SMPX: variants seen among roughly 807,000 people sequenced by gnomAD.
The protein encoded by SMPX is small muscle protein X-linked.
A neutral mutation model predicts 6.3 loss-of-function variants in SMPX; 2 were observed. The observed-to-expected ratio is 0.32, with a 90% CI of 0.13 to 0.99. SMPX has a LOEUF of 0.99. SMPX is among the 50% of genes least tolerant of loss of function. The probability of loss-of-function intolerance (pLI) is 0.49; values close to 1 mark genes in which losing one functional copy is unlikely to be tolerated. For missense variants in SMPX, 60 were observed against 66.8 expected (o/e 0.90, Z 0.36); for synonymous variants, 32 against 24.7 (o/e 1.30, Z -0.88).
At chrX:21,717,217 C>T (rs753567521) in intron 4 of SMPX, among the ~76,000 whole-genome samples, 3 of 111,810 alleles carry the variant, frequency 2.7e-5, no homozygotes, top group Non-Finnish European at 5.6e-5. Context: ...AATGGTTATC[C>T]TCATGCTGTT....
rs1394298119 is a variant in SMPX at position 21,706,023 on chromosome X, T to A, written c.*386A>T. 2.0e-6 allele frequency: 1 copy of A among 493,677 alleles called. No individual in the cohort carries two copies. Among genetic ancestry groups the A allele is most frequent in the Non-Finnish European group, 3.6e-6 (1 of 276,745 alleles). 40.7% of individuals were successfully genotyped at this position (493,677 alleles called of 1,213,427 possible). ...TTATTTGAACTCATACAAAGTTTAG[T>A]GACATAATTTAAAAGGTGAAGAACT... On this transcript the variant is annotated 3_prime_UTR_variant, in exon 5 of 5. Coordinates refer to ENST00000379494, the MANE Select transcript of SMPX (RefSeq NM_014332.3).
intron 3 of SMPX, 114 bp from the exon 4 acceptor site, chrX:21,737,811 C>T (rs914262177): frequency 7.1e-6 from 5 of 703,496 alleles, no homozygotes; most frequent in African/African-American, 2.1e-5. Flanking sequence ...AAGTGTGATT[C>T]TAGCAGAGTG....
intron 4 of SMPX, among the ~76,000 whole-genome samples, chrX:21,710,487 A>G (rs1338080444): frequency 1.8e-5 from 2 of 111,735 alleles, no homozygotes; most frequent in Admixed American, 1.9e-4. Flanking sequence ...CTAAAATCTC[A>G]GAATTCATCA....
chrX:21,740,865 T>A (rs185520977), intron 3 of SMPX, among the ~76,000 whole-genome samples: 2 of 112,417 alleles, frequency 1.8e-5, no homozygotes, highest in East Asian at 5.6e-4. Flanking sequence ...CAACCTGCTA[T>A]TTTGTGGCTT....
intron 4 of SMPX, chrX:21,727,301 C>T (rs1242026990): frequency 8.9e-6 from 1 of 112,493 alleles, no homozygotes; most frequent in Admixed American, 9.4e-5. Context: ...TGATTGAACA[C>T]TCAGAATTTA....
At chrX:21,732,347 A>AT (rs1359017841) in intron 4 of SMPX, among the ~76,000 whole-genome samples, 9 of 112,125 alleles carry the variant, frequency 8.0e-5, no homozygotes, top group Admixed American at 2.8e-4. Flanking sequence ...ATTTTCCTTA[A>AT]TTTTTTAGTT....
chrX:21,712,400 G>C (rs749214396), intron 4 of SMPX, among the ~76,000 whole-genome samples: 7 of 112,039 alleles, frequency 6.2e-5, no homozygotes, highest in Non-Finnish European at 1.1e-4. Flanking sequence ...GGGATAATTC[G>C]AGTGACCATA....
At chrX:21,712,402 G>A (rs886641236) in intron 4 of SMPX, among the ~76,000 whole-genome samples, 33 of 112,174 alleles carry the variant, frequency 2.9e-4, no homozygotes, top group African/African-American at 1.0e-3. Context: ...GATAATTCGA[G>A]TGACCATAAG....
At chrX:21,739,185 T>C (rs956923394) in intron 3 of SMPX, among the ~76,000 whole-genome samples, 3 of 111,845 alleles carry the variant, frequency 2.7e-5, no homozygotes, top group African/African-American at 9.8e-5. Flanking sequence ...CCTGTCTGGA[T>C]CCTATGTCTA....
At chrX:21,729,326 G>A (rs2092800848) in intron 4 of SMPX, among the ~76,000 whole-genome samples, 2 of 112,600 alleles carry the variant, frequency 1.8e-5, no homozygotes, top group African/African-American at 6.5e-5. Context: ...AGGTAAATCA[G>A]GGTTACTCAC....
intron 4 of SMPX, among the ~76,000 whole-genome samples, chrX:21,719,685 C>A (rs2092789521): frequency 9.0e-6 from 1 of 111,612 alleles, no homozygotes; most frequent in Non-Finnish European, 1.9e-5. Flanking sequence ...GATTTGCCTC[C>A]CTGTAGAGGT....
At chrX:21,711,544 T>C (rs1342907703) in intron 4 of SMPX, among the ~76,000 whole-genome samples, 1 of 112,006 alleles carries the variant, frequency 8.9e-6, no homozygotes, top group Admixed American at 9.4e-5. Context: ...GGGCACATCT[T>C]GGCTGGTGTG....
chrX:21,718,652 A>G (rs2092788025), intron 4 of SMPX, among the ~76,000 whole-genome samples: 1 of 112,149 alleles, frequency 8.9e-6, no homozygotes, highest in Admixed American at 9.4e-5. Context: ...CCCTGGCTTA[A>G]TTTATTGAAC....
At chrX:21,713,907 C>T (rs987310803) in intron 4 of SMPX, among the ~76,000 whole-genome samples, 3 of 112,063 alleles carry the variant, frequency 2.7e-5, no homozygotes, top group Admixed American at 9.4e-5. Flanking sequence ...ATATGTCTTG[C>T]CTTCTCAGAA....
intron 4 of SMPX, among the ~76,000 whole-genome samples, chrX:21,715,709 A>G (rs2092784384): frequency 9.0e-6 from 1 of 110,852 alleles, no homozygotes; most frequent in African/African-American, 3.3e-5. Context: ...GTAGTTTTCA[A>G]TAGAGGGAGA....
intron 4 of SMPX, among the ~76,000 whole-genome samples, chrX:21,716,666 T>C (rs1241251160): frequency 3.6e-5 from 4 of 112,159 alleles, no homozygotes; most frequent in African/African-American, 1.3e-4. Flanking sequence ...CCAAACAAGA[T>C]TCAATCTTTG....
At chrX:21,747,311 A>G (rs1168868941) in intron 2 of SMPX, among the ~76,000 whole-genome samples, 2 of 111,080 alleles carry the variant, frequency 1.8e-5, no homozygotes, top group Non-Finnish European at 3.8e-5. Context: ...GACCTGGTGC[A>G]TCACTTTCCT....
At chrX:21,707,589 G>A (rs2092774387) in intron 4 of SMPX, among the ~76,000 whole-genome samples, 1 of 112,383 alleles carries the variant, frequency 8.9e-6, no homozygotes. Flanking sequence ...ACCACTGTGG[G>A]TGGGGTATAA....
At chrX:21,733,209 C>T (rs1196402941) in intron 4 of SMPX, among the ~76,000 whole-genome samples, 1 of 111,797 alleles carries the variant, frequency 8.9e-6, no homozygotes, top group African/African-American at 3.3e-5. Flanking sequence ...GATTATGAGG[C>T]TGTGTATGGG....
Sources: allele counts gnomAD v4.1 joint callset (sites outside exome capture counted in the v4.1 genomes callset), GRCh38; gene constraint gnomAD v4.1.1; transcripts MANE v1.5; gene names NCBI Gene and HGNC (gene_info 2026-07-23, HGNC 2026-07-21).